KCNAB1: variants seen among roughly 807,000 people sequenced by gnomAD.
KCNAB1 encodes voltage-gated potassium channel subunit beta-1.
Under a neutral mutation model 64.6 loss-of-function variants are expected in KCNAB1, and 35 were observed. That is an observed-to-expected ratio of 0.54 (90% confidence interval 0.41 to 0.72). The LOEUF is 0.72. Among genes scored for constraint, KCNAB1 ranks in the 30% least tolerant of loss-of-function variants. KCNAB1 has a pLI of 0.00. For synonymous variants in KCNAB1, 177 were observed against 183.8 expected, an observed-to-expected ratio of 0.96 and a Z score of 0.30; for missense variants, 401 against 512.9, an observed-to-expected ratio of 0.78 and a Z score of 2.11.
chr3:156,301,961 T>C (rs1271794555), intron 1 of KCNAB1, among the ~76,000 whole-genome samples: 1 of 152,198 alleles, frequency 6.6e-6, no homozygotes, highest in African/African-American at 2.4e-5. Context: ...TTCCACAAAA[T>C]TAGTGTCTTA....
At chr3:156,220,064 T>G (rs181127270) in intron 1 of KCNAB1, among the ~76,000 whole-genome samples, 1 of 152,204 alleles carries the variant, frequency 6.6e-6, no homozygotes, top group African/African-American at 2.4e-5. Context: ...TTTTTATGGC[T>G]GCATAGTATT....
chr3:156,481,021 A>T (rs1428593273), intron 8 of KCNAB1, among the ~76,000 whole-genome samples: 2 of 152,192 alleles, frequency 1.3e-5, no homozygotes, highest in East Asian at 3.9e-4. Context: ...CTCTATAAAC[A>T]TTCTAGTACC....
chr3:156,221,683 T>G (rs1389409379), intron 1 of KCNAB1, among the ~76,000 whole-genome samples: 1 of 151,102 alleles, frequency 6.6e-6, no homozygotes, highest in Non-Finnish European at 1.5e-5. Flanking sequence ...GAGGCTGAGG[T>G]GGGAGAATTG....
chr3:156,493,292 C>A (rs1487603328), intron 8 of KCNAB1, among the ~76,000 whole-genome samples: 1 of 152,052 alleles, frequency 6.6e-6, no homozygotes, highest in African/African-American at 2.4e-5. Context: ...GTGGGCTGTG[C>A]CAGATAATCC....
At chr3:156,363,927 C>A (rs1381596427) in intron 1 of KCNAB1, among the ~76,000 whole-genome samples, 7 of 152,222 alleles carry the variant, frequency 4.6e-5, no homozygotes, top group Non-Finnish European at 7.3e-5. Flanking sequence ...ACCATTTCCA[C>A]TGTAGCCACT....
At chr3:156,493,548 C>CTGGAGATTATCAA (rs1715793373) in intron 8 of KCNAB1, among the ~76,000 whole-genome samples, 1 of 152,034 alleles carries the variant, frequency 6.6e-6, no homozygotes, top group Admixed American at 6.6e-5. Flanking sequence ...CTTCTGTAAC[C>CTGGAGATTATCAA]ATTTAGAATT....
intron 1 of KCNAB1, among the ~76,000 whole-genome samples, chr3:156,259,679 A>C (rs1199053062): frequency 6.6e-6 from 1 of 152,140 alleles, no homozygotes; most frequent in African/African-American, 2.4e-5. Flanking sequence ...TTCCTTGCCC[A>C]TCTGGACCTG....
At position 156,338,322 on chromosome 3, in the gene KCNAB1, T is replaced by TTTTTTTTTTTTTTTTTTTTTTTTTTTG. The variant is rs1723869467; in HGVS notation, c.276-83286_276-83285insTTTTTTTTTTTTTTTTTTGTTTTTTTT. On this transcript the variant is annotated intron_variant, in intron 1 of 13. Transcript: ENST00000490337. ...TTTGCACTTTTTTTTTTTTTTTTTTTTTTTTTTTACAGAGTTTAACTCTTG... is the reference window on the plus strand; with the variant it reads ...TTTGCACTTTTTTTTTTTTTTTTTTTTTTTTTTTTTTTTTTTTTTTTTTTTTGTTTTTTTTACAGAGTTTAACTCTTG... 1.5e-5 allele frequency among the ~76,000 whole-genome samples: 2 copies of TTTTTTTTTTTTTTTTTTTTTTTTTTTG among 136,388 alleles called. 1 individual carries two copies. Among genetic ancestry groups the TTTTTTTTTTTTTTTTTTTTTTTTTTTG allele is most frequent in the Non-Finnish European group, 3.2e-5 (2 of 63,082 alleles). 89.5% of individuals were successfully genotyped at this position (136,388 alleles called of 152,430 possible). A position where few individuals can be genotyped will look rare whatever the true frequency, so the allele number is the denominator to read the frequency against.
chr3:156,446,204 C>T (rs1002596660), intron 2 of KCNAB1: 2 of 152,212 alleles, frequency 1.3e-5, no homozygotes, highest in African/African-American at 4.8e-5. Context: ...GGGTAATGAC[C>T]TGGAGCTTAA....
At chr3:156,491,237 A>C (rs556665308) in intron 8 of KCNAB1, among the ~76,000 whole-genome samples, 1 of 152,238 alleles carries the variant, frequency 6.6e-6, no homozygotes, top group African/African-American at 2.4e-5. Context: ...AATTTTCCAG[A>C]TAATGGGAAG....
intron 8 of KCNAB1, among the ~76,000 whole-genome samples, chr3:156,484,188 C>T (rs974910623): frequency 6.6e-6 from 1 of 151,896 alleles, no homozygotes; most frequent in African/African-American, 2.4e-5. Flanking sequence ...TACTCAACAG[C>T]GAAGGCAGAA....
At chr3:156,241,290 T>C (rs1388735209) in intron 1 of KCNAB1, among the ~76,000 whole-genome samples, 1 of 152,230 alleles carries the variant, frequency 6.6e-6, no homozygotes, top group Non-Finnish European at 1.5e-5. Context: ...ATTGCAAATC[T>C]TCCCATACCT....
chr3:156,364,511 G>A (rs9855401), intron 1 of KCNAB1, among the ~76,000 whole-genome samples: 40,929 of 152,070 alleles, frequency 0.27, 7,086 homozygotes, highest in African/African-American at 0.5. Flanking sequence ...AGGCACGGTG[G>A]CTCACACCTG....
intron 8 of KCNAB1, among the ~76,000 whole-genome samples, chr3:156,494,728 A>T (rs1246663617): frequency 6.6e-6 from 1 of 152,164 alleles, no homozygotes; most frequent in Non-Finnish European, 1.5e-5. Flanking sequence ...TGACCTCAGG[A>T]AGCAGAATAT....
intron 7 of KCNAB1, among the ~76,000 whole-genome samples, chr3:156,470,841 G>C (rs1313293070): frequency 6.6e-6 from 1 of 152,092 alleles, no homozygotes; most frequent in East Asian, 1.9e-4. Context: ...TGAACAAATG[G>C]ATTTGCCACA....
At chr3:156,279,607 T>G (rs1273713330) in intron 1 of KCNAB1, among the ~76,000 whole-genome samples, 1 of 152,016 alleles carries the variant, frequency 6.6e-6, no homozygotes, top group Non-Finnish European at 1.5e-5. Flanking sequence ...TTCCTATTTC[T>G]CCACATCCTC....
At chr3:156,226,379 ATATC>A (rs147706865) in intron 1 of KCNAB1, among the ~76,000 whole-genome samples, 2,286 of 152,310 alleles carry the variant, frequency 0.015, 70 homozygotes, top group African/African-American at 0.053. Context: ...ATGAAACTAG[ATATC>A]TATCTCTCAC....
At position 156,465,652 on chromosome 3, in the gene KCNAB1, A is replaced by G. The variant is rs1447083255; in HGVS notation, c.537A>G (p.Thr179=). The G allele has an allele frequency of 3.7e-6, 6 of 1,613,380 alleles. No homozygotes were observed. In the Admixed American group the frequency reaches 8.3e-5, roughly 22 times the overall value. ...TKLYWGGKAE[T]ERGLSRKHII... ...TTCTTTTTCTTGGCAGAGCTGAAAC[A>G]GAAAGAGGGCTGTCAAGAAAGCATA... Residue 179 remains threonine, a synonymous_variant, in exon 7 of 14, where the codon ACA becomes ACG. Transcript: ENST00000490337.
intron 2 of KCNAB1, among the ~76,000 whole-genome samples, chr3:156,444,778 A>C (rs6772280): frequency 6.6e-6 from 1 of 152,144 alleles, no homozygotes; most frequent in Admixed American, 6.5e-5. Context: ...CATGAAATAA[A>C]GAAGGTTAAG....
Sources: allele counts gnomAD v4.1 joint callset (sites outside exome capture counted in the v4.1 genomes callset), GRCh38; gene constraint gnomAD v4.1.1; transcripts MANE v1.5; gene names NCBI Gene and HGNC (gene_info 2026-07-23, HGNC 2026-07-21).